The following ZNF385D variants were observed in gnomAD, a reference collection of about 807,000 sequenced individuals.
The protein encoded by ZNF385D is zinc finger protein 659.
In ZNF385D, 15 loss-of-function variants were observed where a neutral mutation model predicts 35.8. The observed-to-expected ratio is 0.42, with a 90% CI of 0.28 to 0.64. ZNF385D has a LOEUF of 0.64. Ranked by LOEUF, ZNF385D falls within the 30% of genes least tolerant of loss-of-function variation. The probability of loss-of-function intolerance (pLI) is 0.23; values close to 1 mark genes in which losing one functional copy is unlikely to be tolerated. For missense variants in ZNF385D, 474 were observed against 494.6 expected, an observed-to-expected ratio of 0.96 and a Z score of 0.39; for synonymous variants, 212 against 186.8, an observed-to-expected ratio of 1.13 and a Z score of -1.10.
intron 2 of ZNF385D, among the ~76,000 whole-genome samples, chr3:22,215,104 T>C (rs920898551): frequency 2.0e-5 from 3 of 151,972 alleles, no homozygotes; most frequent in African/African-American, 7.2e-5. Context: ...GAAAAAAACC[T>C]ACTTGAAATA....
chr3:22,183,927 G>C (rs1229128344), intron 2 of ZNF385D, among the ~76,000 whole-genome samples: 1 of 151,628 alleles, frequency 6.6e-6, no homozygotes, highest in African/African-American at 2.4e-5. Flanking sequence ...ATTAAAAAAA[G>C]GAAGTTCCGT....
At chr3:22,325,222 TTA>T (rs775603847) in intron 2 of ZNF385D, among the ~76,000 whole-genome samples, 2 of 152,202 alleles carry the variant, frequency 1.3e-5, no homozygotes, top group East Asian at 3.8e-4. Flanking sequence ...CTACAAATTT[TTA>T]GAGTTTGGAA....
chr3:21,972,693 GA>G (rs1007396979), intron 3 of ZNF385D, among the ~76,000 whole-genome samples: 24 of 145,688 alleles, frequency 1.6e-4, no homozygotes, highest in African/African-American at 5.7e-4. Context: ...ACTAGACTAA[GA>G]AAAAAACAAA....
chr3:21,753,599 T>A (rs563580156), upstream of ZNF385D, among the ~76,000 whole-genome samples: 1 of 152,342 alleles, frequency 6.6e-6, no homozygotes, highest in East Asian at 1.9e-4. Context: ...TATGTGCCCC[T>A]CTTCCCTGCA....
At chr3:22,147,102 C>T (rs976072470) in intron 3 of ZNF385D, among the ~76,000 whole-genome samples, 1 of 152,110 alleles carries the variant, frequency 6.6e-6, no homozygotes, top group African/African-American at 2.4e-5. Context: ...TCTACAAATG[C>T]TTGTAATTAG....
intron 3 of ZNF385D, among the ~76,000 whole-genome samples, chr3:21,997,266 C>T (rs1002126874): frequency 4.6e-5 from 7 of 152,090 alleles, no homozygotes; most frequent in Non-Finnish European, 8.8e-5. Context: ...CCAAATACCA[C>T]ATGTTCTCAC....
intron 3 of ZNF385D, among the ~76,000 whole-genome samples, chr3:22,141,131 T>C (rs931547892): frequency 6.6e-6 from 1 of 152,158 alleles, no homozygotes; most frequent in South Asian, 2.1e-4. Flanking sequence ...CTTAAAAACA[T>C]AAGAGAGGTT....
intron 3 of ZNF385D, among the ~76,000 whole-genome samples, chr3:21,814,396 C>T (rs1358732247): frequency 1.3e-5 from 2 of 151,550 alleles, no homozygotes; most frequent in East Asian, 3.9e-4. Flanking sequence ...TTAAAAGACA[C>T]AGACTGGTCA....
intron 3 of ZNF385D, among the ~76,000 whole-genome samples, chr3:22,122,790 G>T (rs1401482370): frequency 6.6e-6 from 1 of 152,158 alleles, no homozygotes; most frequent in East Asian, 1.9e-4. Context: ...AGTCATGCAT[G>T]CAGTTTTCTG....
intron 3 of ZNF385D, among the ~76,000 whole-genome samples, chr3:21,861,264 A>G (rs1487319489): frequency 6.6e-6 from 1 of 152,134 alleles, no homozygotes; most frequent in Non-Finnish European, 1.5e-5. Flanking sequence ...CTGTATCAAT[A>G]CAGTCTGCCA....
intron 3 of ZNF385D, among the ~76,000 whole-genome samples, chr3:21,972,505 C>T (rs779146342): frequency 8.6e-5 from 13 of 151,764 alleles, no homozygotes; most frequent in Non-Finnish European, 1.6e-4. Flanking sequence ...AATAAACAAC[C>T]TATTGGTGTA....
chr3:21,940,457 A>G (rs1701462875), intron 3 of ZNF385D, among the ~76,000 whole-genome samples: 1 of 152,234 alleles, frequency 6.6e-6, no homozygotes, highest in Non-Finnish European at 1.5e-5. Flanking sequence ...TTTTTACAAC[A>G]TAGCAAATGC....
At chr3:21,475,465 G>A (rs1207744531) in intron 4 of ZNF385D, among the ~76,000 whole-genome samples, 1 of 151,868 alleles carries the variant, frequency 6.6e-6, no homozygotes, top group Admixed American at 6.6e-5. Context: ...TTTGGGATTC[G>A]ATATACATTT....
rs1238521398 is a variant in ZNF385D at position 21,865,000 on chromosome 3, T to TTTTTTTC, written c.326-199973_326-199972insGAAAAAA. 2.0e-4 allele frequency among the ~76,000 whole-genome samples: 30 copies of TTTTTTTC among 149,786 alleles called. 1 individual carries two copies. In the East Asian group the frequency reaches 5.1e-3, roughly 25 times the overall value. On this transcript the variant is annotated intron_variant, in intron 3 of 5. Transcript: ENST00000494108. The stretch of plus-strand genomic sequence containing the variant: ...ACGTTTGGAACAATGCTTTTTTTTT[T>TTTTTTTC]TTTCTTCCACTTTGCAGCAATTACT...
At chr3:21,593,740 G>C (rs2125740472) in intron 2 of ZNF385D, among the ~76,000 whole-genome samples, 1 of 151,008 alleles carries the variant, frequency 6.6e-6, no homozygotes, top group South Asian at 2.1e-4. Flanking sequence ...TGAACAACAG[G>C]AAAGAAAATG....
chr3:21,661,526 A>G (rs1474241993), intron 2 of ZNF385D, among the ~76,000 whole-genome samples: 1 of 152,148 alleles, frequency 6.6e-6, no homozygotes, highest in Non-Finnish European at 1.5e-5. Flanking sequence ...TACTCCCATG[A>G]CTGTTCTCTT....
chr3:22,071,068 G>C (rs1405394498), intron 3 of ZNF385D, among the ~76,000 whole-genome samples: 1 of 152,112 alleles, frequency 6.6e-6, no homozygotes, highest in Non-Finnish European at 1.5e-5. Flanking sequence ...CTTTGAAATA[G>C]AAAGGTAACA....
At chr3:21,705,798 G>A (rs2067876757) in intron 1 of ZNF385D, among the ~76,000 whole-genome samples, 2 of 152,220 alleles carry the variant, frequency 1.3e-5, no homozygotes, top group South Asian at 4.1e-4. Context: ...ATTCGAGGTG[G>A]ATTTTGCTGT....
At chr3:21,839,540 T>C (rs896051741) in intron 3 of ZNF385D, among the ~76,000 whole-genome samples, 6 of 152,030 alleles carry the variant, frequency 3.9e-5, no homozygotes, top group Non-Finnish European at 8.8e-5. Context: ...TAGCAGAAAC[T>C]CTATTAGGCA....
Sources: allele counts gnomAD v4.1 joint callset (sites outside exome capture counted in the v4.1 genomes callset), GRCh38; gene constraint gnomAD v4.1.1; transcripts MANE v1.5; gene names NCBI Gene and HGNC (gene_info 2026-07-23, HGNC 2026-07-21).